The following GALNTL6 variants were observed in gnomAD, a reference collection of about 807,000 sequenced individuals.
GALNTL6 encodes the protein polypeptide N-acetylgalactosaminyltransferase like 6, also known as polypeptide N-acetylgalactosaminyltransferase-like 6.
A neutral mutation model predicts 73.7 loss-of-function variants in GALNTL6; 46 were observed. The observed-to-expected ratio is 0.62, with a 90% confidence interval of 0.49 to 0.80. GALNTL6 has a LOEUF of 0.80. Among genes scored for constraint, GALNTL6 ranks in the 30% least tolerant of loss-of-function variants. The pLI is 0.00. For synonymous variants in GALNTL6, 259 were observed against 263.7 expected, an observed-to-expected ratio of 0.98 and a Z score of 0.17; for missense variants, 604 against 755.0, an observed-to-expected ratio of 0.80 and a Z score of 2.34.
chr4:172,040,287 A>G (rs982035615), intron 2 of GALNTL6, among the ~76,000 whole-genome samples: 1 of 152,146 alleles, frequency 6.6e-6, no homozygotes, highest in African/African-American at 2.4e-5. Context: ...AAAGGTATTT[A>G]TCTGGAAAGA....
At chr4:172,887,426 AG>A (rs1432453685) in intron 8 of GALNTL6, among the ~76,000 whole-genome samples, 1 of 152,100 alleles carries the variant, frequency 6.6e-6, no homozygotes, top group Admixed American at 6.6e-5. Flanking sequence ...TATTTCTTTG[AG>A]GAGTCTCCAA....
chr4:172,686,927 C>T (rs1732950605), intron 5 of GALNTL6, among the ~76,000 whole-genome samples: 1 of 152,162 alleles, frequency 6.6e-6, no homozygotes, highest in Non-Finnish European at 1.5e-5. Flanking sequence ...CTTATAGGAG[C>T]ATCACATAAT....
chr4:171,991,730 GTATA>G (rs1248077137), intron 2 of GALNTL6, among the ~76,000 whole-genome samples: 1,204 of 98,148 alleles, frequency 0.012, 10 homozygotes, highest in South Asian at 0.046. Context: ...GTGTGTGTGT[GTATA>G]TATATATATA....
intron 5 of GALNTL6, among the ~76,000 whole-genome samples, chr4:172,544,106 C>G (rs779906211): frequency 3.3e-5 from 5 of 152,170 alleles, no homozygotes; most frequent in Non-Finnish European, 7.4e-5. Flanking sequence ...GCCAGTTTCT[C>G]TGGTGGCTAC....
chr4:172,643,360 A>G (rs1560853184), intron 5 of GALNTL6, among the ~76,000 whole-genome samples: 2 of 152,018 alleles, frequency 1.3e-5, no homozygotes. Context: ...CAGAATTTAA[A>G]TTGAATGTGG....
chr4:172,437,066 T>C (rs1057340186), intron 5 of GALNTL6, among the ~76,000 whole-genome samples: 2 of 152,136 alleles, frequency 1.3e-5, no homozygotes, highest in Admixed American at 6.6e-5. Context: ...CAAATCAAGA[T>C]GTAGAGCAGT....
intron 7 of GALNTL6, among the ~76,000 whole-genome samples, chr4:172,829,075 C>T (rs375228014): frequency 6.6e-6 from 1 of 152,172 alleles, no homozygotes; most frequent in Non-Finnish European, 1.5e-5. Context: ...GGTGTACTCC[C>T]GTGCCTTCAC....
intron 5 of GALNTL6, among the ~76,000 whole-genome samples, chr4:172,640,214 AG>A (rs1221783753): frequency 6.6e-6 from 1 of 152,094 alleles, no homozygotes; most frequent in African/African-American, 2.4e-5. Flanking sequence ...TGCTTCACCT[AG>A]TAGTGGCACT....
intron 3 of GALNTL6, among the ~76,000 whole-genome samples, chr4:172,288,627 A>G (rs1408447016): frequency 2.0e-5 from 3 of 152,148 alleles, no homozygotes; most frequent in Admixed American, 6.6e-5. Context: ...CTGGAAGCAT[A>G]TATGTTTTCA....
intron 2 of GALNTL6, among the ~76,000 whole-genome samples, chr4:171,958,512 T>C (rs965386064): frequency 2.6e-5 from 4 of 152,136 alleles, no homozygotes; most frequent in African/African-American, 9.6e-5. Context: ...GAGAAGAAGT[T>C]CACAAAATAT....
At chr4:172,170,256 T>C (rs1393568219) in intron 2 of GALNTL6, among the ~76,000 whole-genome samples, 1 of 152,192 alleles carries the variant, frequency 6.6e-6, no homozygotes, top group Non-Finnish European at 1.5e-5. Flanking sequence ...AACTGGATCA[T>C]GGGGGCAGTT....
At chr4:171,832,426 A>G (rs560615090) in intron 2 of GALNTL6, among the ~76,000 whole-genome samples, 2 of 151,068 alleles carry the variant, frequency 1.3e-5, no homozygotes, top group South Asian at 4.2e-4. Context: ...GTTTATGGCA[A>G]GTTTTGGATA....
chr4:172,689,450 AT>A (rs1733131308), intron 5 of GALNTL6, among the ~76,000 whole-genome samples: 1 of 152,256 alleles, frequency 6.6e-6, no homozygotes, highest in African/African-American at 2.4e-5. Context: ...CTATGAAAAC[AT>A]TTTGAAAAGT....
intron 4 of GALNTL6, among the ~76,000 whole-genome samples, chr4:172,317,103 G>A (rs948175519): frequency 6.6e-6 from 1 of 152,144 alleles, no homozygotes. Context: ...GTGATAAGTA[G>A]TACATACTTA....
intron 5 of GALNTL6, among the ~76,000 whole-genome samples, chr4:172,369,688 G>T (rs373800140): frequency 1.3e-5 from 2 of 152,306 alleles, no homozygotes; most frequent in South Asian, 2.1e-4. Context: ...GTTACCTGGT[G>T]CACCCTCTGC....
chr4:171,853,012 A>ATTCTTTTTTTTTT (rs1553964539), intron 2 of GALNTL6, among the ~76,000 whole-genome samples: 12 of 86,832 alleles, frequency 1.4e-4, no homozygotes, highest in Middle Eastern at 9.6e-3. Context: ...CGCCCGGCTA[A>ATTCTTTTTTTTTT]TTTTTTTTTT....
At chr4:172,775,483 G>A (rs1000173540) in intron 5 of GALNTL6, among the ~76,000 whole-genome samples, 2 of 152,188 alleles carry the variant, frequency 1.3e-5, no homozygotes, top group Non-Finnish European at 2.9e-5. Context: ...TTATTGCACA[G>A]ATAGGCAATG....
At chr4:172,767,721 A>C (rs1209601678) in intron 5 of GALNTL6, among the ~76,000 whole-genome samples, 1 of 137,364 alleles carries the variant, frequency 7.3e-6, no homozygotes, top group African/African-American at 2.7e-5. Flanking sequence ...GCTGGAGTGC[A>C]ATGAATGACT....
intron 2 of GALNTL6, among the ~76,000 whole-genome samples, chr4:172,025,898 A>G (rs56040274): frequency 0.051 from 7,709 of 152,096 alleles, 412 homozygotes; most frequent in African/African-American, 0.13. Context: ...ACAAATATTT[A>G]TCCACATGTT....
Sources: allele counts gnomAD v4.1 joint callset (sites outside exome capture counted in the v4.1 genomes callset), GRCh38; gene constraint gnomAD v4.1.1; transcripts MANE v1.5; gene names NCBI Gene and HGNC (gene_info 2026-07-23, HGNC 2026-07-21).